HAPSTR1: variants seen among roughly 807,000 people sequenced by gnomAD.
The protein encoded by HAPSTR1 is HUWE1 associated protein modifying stress responses.
chr16:9,095,559 C>T, the HAPSTR1 span, among the ~76,000 whole-genome samples: 6 of 151,932 alleles, frequency 3.9e-5, no homozygotes, highest in Non-Finnish European at 7.4e-5. Flanking sequence ...GACAATTTGG[C>T]ACTCCTACCA....
chr16:9,103,151 G>C, the HAPSTR1 span: 3 of 1,614,136 alleles, frequency 1.9e-6, no homozygotes, highest in Non-Finnish European at 2.5e-6. Flanking sequence ...AAACTCTAGA[G>C]CTCCCCCAAG....
chr16:9,115,718 G>T, the HAPSTR1 span, among the ~76,000 whole-genome samples: 312 of 152,252 alleles, frequency 2.0e-3, no homozygotes, highest in African/African-American at 7.3e-3. Flanking sequence ...GGGTTCAAGC[G>T]ATTCTCCTCC....
At chr16:9,094,659 C>T in the HAPSTR1 span, among the ~76,000 whole-genome samples, 4 of 152,234 alleles carry the variant, frequency 2.6e-5, no homozygotes, top group Admixed American at 2.0e-4. Context: ...GTTCACCCAT[C>T]GAGTTCGCAT....
the HAPSTR1 span, among the ~76,000 whole-genome samples, chr16:9,113,672 A>T: frequency 0.68 from 102,790 of 152,136 alleles, 36,212 homozygotes; most frequent in African/African-American, 0.89. Flanking sequence ...ATTTTGCCAT[A>T]ATAATTACCT....
the HAPSTR1 span, among the ~76,000 whole-genome samples, chr16:9,098,014 A>G: frequency 6.6e-6 from 1 of 152,180 alleles, no homozygotes; most frequent in Non-Finnish European, 1.5e-5. Context: ...GATGCCAGGC[A>G]GGCAACAAAC....
At chr16:9,098,740 G>A in the HAPSTR1 span, among the ~76,000 whole-genome samples, 5 of 152,168 alleles carry the variant, frequency 3.3e-5, no homozygotes, top group East Asian at 1.9e-4. Context: ...TAAAAATCAC[G>A]TAGTCAGTAG....
the HAPSTR1 span, chr16:9,117,948 C>T: frequency 2.0e-5 from 3 of 152,648 alleles, no homozygotes; most frequent in African/African-American, 7.2e-5. Flanking sequence ...CCAACTCTCC[C>T]TGTCCCTCCA....
the HAPSTR1 span, among the ~76,000 whole-genome samples, chr16:9,096,556 G>A: frequency 0.47 from 70,533 of 151,612 alleles, 17,083 homozygotes; most frequent in African/African-American, 0.6. Context: ...GGAGAACTGA[G>A]CATAACTGTA....
chr16:9,098,759 T>G, the HAPSTR1 span, among the ~76,000 whole-genome samples: 1 of 151,996 alleles, frequency 6.6e-6, no homozygotes, highest in South Asian at 2.1e-4. Flanking sequence ...AGTATTTCTT[T>G]AGAAGTGTTG....
the HAPSTR1 span, chr16:9,109,616 T>G: frequency 2.6e-5 from 4 of 152,340 alleles, no homozygotes; most frequent in Admixed American, 2.6e-4. Flanking sequence ...ATGCAGGGTC[T>G]GGTGTCATAA....
the HAPSTR1 span, among the ~76,000 whole-genome samples, chr16:9,115,899 T>C: frequency 6.6e-6 from 1 of 152,158 alleles, no homozygotes; most frequent in Non-Finnish European, 1.5e-5. Flanking sequence ...TGTGAGCCAC[T>C]GCGCCTGGCC....
the HAPSTR1 span, chr16:9,103,442 C>G: frequency 4.9e-6 from 3 of 615,770 alleles, no homozygotes; most frequent in Non-Finnish European, 8.0e-6. Flanking sequence ...GTCAGCTAAC[C>G]TATCCTAGAA....
the HAPSTR1 span, chr16:9,117,122 G>A: frequency 3.1e-6 from 2 of 651,662 alleles, no homozygotes; most frequent in Non-Finnish European, 5.1e-6. Flanking sequence ...AATCCTAGCA[G>A]AGGACATCAG....
At chr16:9,118,103 A>G in the HAPSTR1 span, 1 of 152,614 alleles carries the variant, frequency 6.6e-6, no homozygotes, top group Non-Finnish European at 1.5e-5. Context: ...TTGTAGCTAC[A>G]ATGTTTTAGA....
At chr16:9,100,733 C>T in the HAPSTR1 span, among the ~76,000 whole-genome samples, 1 of 152,036 alleles carries the variant, frequency 6.6e-6, no homozygotes, top group Non-Finnish European at 1.5e-5. Context: ...CGGGGTTTTG[C>T]CATCTTGGCC....
the HAPSTR1 span, chr16:9,104,703 C>T: frequency 3.3e-5 from 5 of 152,174 alleles, no homozygotes; most frequent in African/African-American, 1.2e-4. Context: ...GTTCCTGACA[C>T]AGTGGAATAG....
chr16:9,117,061 C>A, the HAPSTR1 span: 1 of 1,194,108 alleles, frequency 8.4e-7, no homozygotes, highest in South Asian at 1.6e-5. Flanking sequence ...AAAGGAAGTT[C>A]TAGGTATTTA....
At chr16:9,116,219 T>A in the HAPSTR1 span, among the ~76,000 whole-genome samples, 1 of 152,186 alleles carries the variant, frequency 6.6e-6, no homozygotes, top group African/African-American at 2.4e-5. Flanking sequence ...CACCTAGGCC[T>A]GGAAGTGATT....
chr16:9,099,710 G>C, the HAPSTR1 span, among the ~76,000 whole-genome samples: 2 of 152,170 alleles, frequency 1.3e-5, no homozygotes, highest in African/African-American at 2.4e-5. Context: ...TAGAATTGGG[G>C]TGTGCTCAGA....
Sources: allele counts gnomAD v4.1 joint callset (sites outside exome capture counted in the v4.1 genomes callset), GRCh38; gene constraint gnomAD v4.1.1; transcripts MANE v1.5; gene names NCBI Gene and HGNC (gene_info 2026-07-23, HGNC 2026-07-21).